Variants in ARHGEF6 observed in about 807,000 individuals in gnomAD.
ARHGEF6 encodes rho guanine nucleotide exchange factor 6.
ARHGEF6 carries 9 observed loss-of-function variants against 70.3 expected under a neutral mutation model. The ratio of observed to expected loss-of-function variants is 0.13; its 90% CI spans 0.08 to 0.22. ARHGEF6 has a LOEUF of 0.22. ARHGEF6 is among the 10% of genes least tolerant of loss of function. The probability of loss-of-function intolerance (pLI) is 1.00; values close to 1 mark genes in which losing one functional copy is unlikely to be tolerated. For missense variants in ARHGEF6, 470 were observed against 563.0 expected, an observed-to-expected ratio of 0.83 and a Z score of 1.67; for synonymous variants, 201 against 207.8, an observed-to-expected ratio of 0.97 and a Z score of 0.28.
At chrX:136,727,379 T>C (rs866424993) in intron 6 of ARHGEF6, among the ~76,000 whole-genome samples, 11 of 62,653 alleles carry the variant, frequency 1.8e-4, no homozygotes, top group Non-Finnish European at 2.7e-4. Flanking sequence ...CTTTCTTTCT[T>C]TCTTTCTTTC....
chrX:136,686,089 T>C (rs927179593), intron 11 of ARHGEF6, among the ~76,000 whole-genome samples: 1 of 112,163 alleles, frequency 8.9e-6, no homozygotes, highest in Middle Eastern at 4.6e-3. Context: ...AGAGCTTATT[T>C]CTCCCTCCCT....
At chrX:136,712,478 A>G (rs111442774) in intron 7 of ARHGEF6, among the ~76,000 whole-genome samples, 4,971 of 112,378 alleles carry the variant, frequency 0.044, 114 homozygotes, top group Admixed American at 0.068. Flanking sequence ...CTGTTTAGCA[A>G]TAGTAAACTC....
chrX:136,705,435 T>A (rs1285839530), intron 9 of ARHGEF6, among the ~76,000 whole-genome samples: 1 of 112,102 alleles, frequency 8.9e-6, no homozygotes, highest in Admixed American at 9.4e-5. Context: ...TTTCTGTGGA[T>A]AAAATATATG....
At chrX:136,743,981 C>T (rs1422913685) in intron 4 of ARHGEF6, among the ~76,000 whole-genome samples, 195 bp from the exon 5 acceptor site, 1 of 111,975 alleles carries the variant, frequency 8.9e-6, no homozygotes, top group Non-Finnish European at 1.9e-5. Context: ...AGTATGTAAA[C>T]TTTGGCATTT....
chrX:136,749,552 T>G (rs1257574866), intron 2 of ARHGEF6, among the ~76,000 whole-genome samples: 3 of 112,107 alleles, frequency 2.7e-5, no homozygotes, highest in Non-Finnish European at 3.8e-5. Flanking sequence ...TCCAGGGTTA[T>G]TAAATGCCTA....
chrX:136,671,727 T>C (rs2076226973), intron 20 of ARHGEF6, among the ~76,000 whole-genome samples: 1 of 112,334 alleles, frequency 8.9e-6, no homozygotes, highest in African/African-American at 3.2e-5. Flanking sequence ...ATCCAGGGCA[T>C]TGATATTCCC....
intron 5 of ARHGEF6, among the ~76,000 whole-genome samples, chrX:136,742,302 G>A (rs768098253): frequency 9.0e-6 from 1 of 111,315 alleles, no homozygotes; most frequent in Non-Finnish European, 1.9e-5. Context: ...CTGGGTGACA[G>A]AGCAAGACTC....
At chrX:136,755,268 T>C (rs1317188748) in intron 2 of ARHGEF6, among the ~76,000 whole-genome samples, 1 of 112,412 alleles carries the variant, frequency 8.9e-6, no homozygotes, top group African/African-American at 3.2e-5. Context: ...TTTTTCCTTG[T>C]CCCTTCATAT....
intron 14 of ARHGEF6, among the ~76,000 whole-genome samples, chrX:136,681,274 C>A (rs995786960): frequency 8.9e-6 from 1 of 111,777 alleles, no homozygotes; most frequent in African/African-American, 3.3e-5. Flanking sequence ...AACCTTTTGG[C>A]AAACACCAAA....
Position 136,747,564 on chromosome X carries a change from C to T in ARHGEF6, c.278G>A (p.Gly93Glu), listed in dbSNP as rs1469560107. 8.3e-7 allele frequency: 1 copy of T among 1,205,723 alleles called. No homozygotes were observed. Among genetic ancestry groups the T allele is most frequent in the Non-Finnish European group, 1.1e-6 (1 of 891,666 alleles). Residue 93 changes from glycine (G) to glutamate (E), a missense_variant, in exon 3 of 22, where the codon GGG (glycine) becomes GAG (glutamate). By Grantham distance (98) the Gly-to-Glu change is moderately conservative. Coordinates refer to ENST00000250617, the MANE Select transcript of ARHGEF6 (RefSeq NM_004840.3). The part of the protein sequence containing the change: ...EIFDPDDLYS[G>E]VNFSKVLSTL... ...ACTCAGTACCTTGGAGAAATTGACC[C>T]CTGAATAAAGGTCATCAGGATCAAA...
intron 4 of ARHGEF6, among the ~76,000 whole-genome samples, 157 bp downstream of exon 4, chrX:136,745,066 C>T (rs750235570): frequency 1.8e-5 from 2 of 112,176 alleles, no homozygotes; most frequent in Non-Finnish European, 3.8e-5. Flanking sequence ...TTTGCTCCTT[C>T]GGGCCAGCCT....
chrX:136,719,599 T>C (rs1263605153), intron 6 of ARHGEF6, among the ~76,000 whole-genome samples: 2 of 110,919 alleles, frequency 1.8e-5, no homozygotes, highest in Admixed American at 1.9e-4. Context: ...CCTAGGAAAC[T>C]ACAAAAAGAA....
At chrX:136,709,145 TTA>T (rs1267157468) in intron 7 of ARHGEF6, among the ~76,000 whole-genome samples, 2 of 112,496 alleles carry the variant, frequency 1.8e-5, no homozygotes, top group Admixed American at 9.4e-5. Flanking sequence ...TTGAAAGATA[TTA>T]TATATGCTCA....
At chrX:136,699,596 GGA>G (rs2148605702) in intron 9 of ARHGEF6, among the ~76,000 whole-genome samples, 1 of 111,051 alleles carries the variant, frequency 9.0e-6, no homozygotes, top group Admixed American at 9.6e-5. Context: ...CTCAAAATCT[GGA>G]GAAACAGTGA....
intron 4 of ARHGEF6, 116 bp downstream of exon 4, chrX:136,745,107 T>C: frequency 1.0e-6 from 1 of 984,376 alleles, no homozygotes; most frequent in Non-Finnish European, 1.4e-6. Flanking sequence ...ATTAGTTTTC[T>C]CAGTGATGCC....
At chrX:136,759,236 A>G (rs1446131142) in intron 2 of ARHGEF6, among the ~76,000 whole-genome samples, 1 of 112,541 alleles carries the variant, frequency 8.9e-6, no homozygotes, top group African/African-American at 3.2e-5. Context: ...TTATTAGTAC[A>G]TACCTCTCTT....
At chrX:136,735,289 A>G (rs940845479) in intron 5 of ARHGEF6, among the ~76,000 whole-genome samples, 5 of 111,425 alleles carry the variant, frequency 4.5e-5, no homozygotes, top group Admixed American at 9.6e-5. Context: ...GCAAAGAGAA[A>G]AACACCAGCA....
At chrX:136,702,683 A>G (rs1321956820) in intron 9 of ARHGEF6, among the ~76,000 whole-genome samples, 1 of 112,464 alleles carries the variant, frequency 8.9e-6, no homozygotes, top group Non-Finnish European at 1.9e-5. Flanking sequence ...CCCACAAAAC[A>G]TAATAATCCT....
At chrX:136,757,314 C>T (rs1230337957) in intron 2 of ARHGEF6, among the ~76,000 whole-genome samples, 2 of 112,603 alleles carry the variant, frequency 1.8e-5, no homozygotes, top group African/African-American at 3.2e-5. Context: ...GAGTTGAGAT[C>T]GCGCCACTAG....
Sources: allele counts gnomAD v4.1 joint callset (sites outside exome capture counted in the v4.1 genomes callset), GRCh38; gene constraint gnomAD v4.1.1; transcripts MANE v1.5; gene names NCBI Gene and HGNC (gene_info 2026-07-23, HGNC 2026-07-21).